NELL1: variants seen among roughly 807,000 people sequenced by gnomAD.
The protein encoded by NELL1 is neural EGFL like 1.
NELL1 carries 76 observed loss-of-function variants against 107.4 expected under a neutral mutation model. The ratio of observed to expected loss-of-function variants is 0.71; its 90% CI spans 0.59 to 0.86. NELL1 has a LOEUF of 0.86. NELL1 is among the 40% of genes least tolerant of loss of function. NELL1 has a pLI of 0.00. For synonymous variants in NELL1, 353 were observed against 341.2 expected (o/e 1.03, Z -0.38); for missense variants, 1,024 against 1,005.5 (o/e 1.02, Z -0.25).
At chr11:21,496,492 C>T (rs926191169) in intron 15 of NELL1, among the ~76,000 whole-genome samples, 49 of 151,110 alleles carry the variant, frequency 3.2e-4, no homozygotes, top group Non-Finnish European at 1.8e-4. Context: ...TCATTGCAAC[C>T]TTCGCCTCTT....
chr11:21,130,034 A>G (rs1855579298), intron 13 of NELL1, among the ~76,000 whole-genome samples: 1 of 152,218 alleles, frequency 6.6e-6, no homozygotes, highest in Non-Finnish European at 1.5e-5. Context: ...TTTCTTTACT[A>G]CCATAGGTAT....
intron 2 of NELL1, among the ~76,000 whole-genome samples, chr11:20,705,982 G>T (rs537849076): frequency 1.3e-5 from 2 of 152,310 alleles, no homozygotes; most frequent in Admixed American, 6.5e-5. Flanking sequence ...TCTCACACCA[G>T]TTAGAATGGC....
intron 3 of NELL1, among the ~76,000 whole-genome samples, chr11:20,817,269 A>G (rs115845421): frequency 0.014 from 2,188 of 152,066 alleles, 63 homozygotes; most frequent in African/African-American, 0.05. Flanking sequence ...TGTCTGGTCT[A>G]GGGCTTTTTT....
intron 14 of NELL1, among the ~76,000 whole-genome samples, chr11:21,310,040 A>C (rs1462680243): frequency 2.0e-5 from 3 of 152,252 alleles, no homozygotes; most frequent in Middle Eastern, 6.8e-3. Context: ...ACTTAATAGA[A>C]TATGTAGGGA....
chr11:21,400,842 G>A (rs1461886627), intron 15 of NELL1, among the ~76,000 whole-genome samples: 1 of 151,876 alleles, frequency 6.6e-6, no homozygotes, highest in Non-Finnish European at 1.5e-5. Context: ...CTTGTCCACA[G>A]CTCATTGCCA....
intron 14 of NELL1, among the ~76,000 whole-genome samples, chr11:21,289,607 A>G (rs1462863484): frequency 6.6e-6 from 1 of 152,182 alleles, no homozygotes; most frequent in Non-Finnish European, 1.5e-5. Context: ...CAGGGAGCTA[A>G]CTGAAGGAGT....
At chr11:21,450,324 G>C (rs1417242361) in intron 15 of NELL1, among the ~76,000 whole-genome samples, 1 of 152,078 alleles carries the variant, frequency 6.6e-6, no homozygotes, top group African/African-American at 2.4e-5. Context: ...TAAATTTTCT[G>C]CAAAGTCTTA....
At chr11:20,972,319 A>C (rs1188993318) in intron 12 of NELL1, among the ~76,000 whole-genome samples, 1 of 152,204 alleles carries the variant, frequency 6.6e-6, no homozygotes, top group Non-Finnish European at 1.5e-5. Context: ...ATAAGATATA[A>C]GTAAGTCCTA....
intron 2 of NELL1, among the ~76,000 whole-genome samples, chr11:20,723,102 C>T (rs911236592): frequency 2.0e-5 from 3 of 152,138 alleles, no homozygotes; most frequent in Non-Finnish European, 4.4e-5. Flanking sequence ...TGGGGATTAC[C>T]ATTCAAGATG....
At chr11:20,736,366 C>T (rs913345824) in intron 2 of NELL1, among the ~76,000 whole-genome samples, 8 of 152,160 alleles carry the variant, frequency 5.3e-5, no homozygotes, top group African/African-American at 1.9e-4. Context: ...CCTGGCCGAG[C>T]AGAGCAACCT....
intron 16 of NELL1, among the ~76,000 whole-genome samples, chr11:21,549,544 C>T (rs982217029): frequency 6.6e-5 from 10 of 151,868 alleles, no homozygotes; most frequent in Non-Finnish European, 1.3e-4. Context: ...ATTCCTAGAA[C>T]GGTGTCTGAC....
intron 15 of NELL1, among the ~76,000 whole-genome samples, chr11:21,433,921 C>T (rs545676238): frequency 6.6e-5 from 10 of 152,136 alleles, no homozygotes; most frequent in Admixed American, 6.5e-5. Context: ...GTGACCTGCC[C>T]GCCTCGGCCT....
At chr11:21,176,122 G>A (rs983790223) in intron 13 of NELL1, among the ~76,000 whole-genome samples, 4 of 151,934 alleles carry the variant, frequency 2.6e-5, no homozygotes, top group East Asian at 1.9e-4. Flanking sequence ...ATGCGTTGCT[G>A]TGAGGATTAA....
At chr11:20,695,231 A>G (rs915585075) in intron 2 of NELL1, among the ~76,000 whole-genome samples, 1 of 152,128 alleles carries the variant, frequency 6.6e-6, no homozygotes, top group African/African-American at 2.4e-5. Context: ...GAATCATATC[A>G]TCAGTGAAGA....
At chr11:21,261,141 T>G (rs1260813793) in intron 14 of NELL1, among the ~76,000 whole-genome samples, 1 of 151,688 alleles carries the variant, frequency 6.6e-6, no homozygotes, top group Non-Finnish European at 1.5e-5. Context: ...TTTTAAATCA[T>G]AATTTTGGGC....
At chr11:21,241,264 G>C (rs1156504533) in intron 14 of NELL1, among the ~76,000 whole-genome samples, 2 of 152,046 alleles carry the variant, frequency 1.3e-5, no homozygotes, top group South Asian at 4.1e-4. Flanking sequence ...GCAGTTATTT[G>C]CAAAATATTC....
At chr11:20,889,551 C>G (rs1467209631) in intron 5 of NELL1, among the ~76,000 whole-genome samples, 1 of 152,150 alleles carries the variant, frequency 6.6e-6, no homozygotes, top group Middle Eastern at 3.2e-3. Context: ...ATGCACAAAT[C>G]TCAGTGATTA....
intron 14 of NELL1, among the ~76,000 whole-genome samples, chr11:21,309,278 A>G (rs201013410): frequency 0.051 from 827 of 16,210 alleles, 13 homozygotes; most frequent in African/African-American, 0.15. Flanking sequence ...ATATATATAT[A>G]TGTATATATA....
chr11:20,953,783 T>G (rs188187377), intron 11 of NELL1, among the ~76,000 whole-genome samples: 27 of 152,328 alleles, frequency 1.8e-4, no homozygotes, highest in Admixed American at 1.6e-3. Flanking sequence ...AAATCTCTTC[T>G]TTAAAACATT....
Sources: gnomAD v4.1 joint callset for allele counts (sites outside exome capture counted in the v4.1 genomes callset) on GRCh38, gnomAD v4.1.1 for gene constraint, MANE v1.5 for transcripts, NCBI Gene and HGNC (gene_info 2026-07-23, HGNC 2026-07-21) for gene names.